Variants in NIPBL observed in about 807,000 individuals in gnomAD.
NIPBL encodes the protein nipped-B-like protein.
A neutral mutation model predicts 321.8 loss-of-function variants in NIPBL; 19 were observed. The observed-to-expected ratio is 0.06, with a 90% CI of 0.04 to 0.09. The LOEUF (loss-of-function observed/expected upper bound fraction) is 0.09, where lower values mean the gene tolerates loss of function less well. NIPBL is among the 10% of genes least tolerant of loss of function. NIPBL has a pLI of 1.00. For synonymous variants in NIPBL, 1,106 were observed against 1,114.1 expected, an observed-to-expected ratio of 0.99 and a Z score of 0.14; for missense variants, 2,210 against 3,327.0, an observed-to-expected ratio of 0.66 and a Z score of 8.26.
intron 16 of NIPBL, among the ~76,000 whole-genome samples, chr5:37,004,561 TGCCTG>T (rs1747204265): frequency 6.6e-6 from 1 of 151,962 alleles, no homozygotes; most frequent in Non-Finnish European, 1.5e-5. Flanking sequence ...TGCACCACAA[TGCCTG>T]GCCAATTATT....
At position 36,985,692 on chromosome 5, in the gene NIPBL, T is replaced by C. The variant is rs1265867244; in HGVS notation, c.2512T>C (p.Ser838Pro). The stretch of plus-strand genomic sequence containing the variant: ...ATCAGAGCGACATCGAGGGGATCAG[T>C]CTAGGGTTCGAAGACCAGAAACATT... Reference protein sequence around the residue: ...GESERHRGDQSRVRRPETLRS... With the variant: ...GESERHRGDQPRVRRPETLRS... Residue 838 changes from serine (S) to proline (P), a missense_variant, in exon 10 of 47, where the codon TCT (serine) becomes CCT (proline). By Grantham distance (74) the Ser-to-Pro change is moderately conservative. This residue lies in a region of NIPBL where 588 missense variants were observed against 564.1 expected (regional missense o/e 1.04). Transcript: ENST00000282516. 4 of 1,613,568 alleles carry C rather than the reference T, an allele frequency of 2.5e-6. No individual in the cohort carries two copies. Among genetic ancestry groups the C allele is most frequent in the Non-Finnish European group, 3.4e-6 (4 of 1,179,918 alleles).
chr5:37,014,983 A>C (rs1748768906), intron 22 of NIPBL, among the ~76,000 whole-genome samples: 1 of 152,110 alleles, frequency 6.6e-6, no homozygotes, highest in South Asian at 2.1e-4. Flanking sequence ...AATTTTGTGA[A>C]TTTGCTTATA....
In NIPBL at chr5:37,051,841, T is replaced by C; in HGVS notation, c.7017T>C (p.Asp2339=). The part of the protein sequence containing the change: ...DPEPAMRNKA[D]QQLVEIDKKY... ...AACCTGCTATGCGGAACAAGGCTGA[T>C]CAGCAACTTGTGGAAATAGACAAAA... Residue 2339 remains aspartate (D), a synonymous_variant, in exon 41 of 47, where the codon GAT becomes GAC. Transcript: ENST00000282516. 6.2e-7 allele frequency: 1 copy of C among 1,614,102 alleles called. No homozygotes were observed. The highest frequency in any genetic ancestry group is 8.5e-7 in the Non-Finnish European group (1 of 1,179,968).
At chr5:37,017,721 T>G (rs1749151686) in intron 24 of NIPBL, among the ~76,000 whole-genome samples, 1 of 152,016 alleles carries the variant, frequency 6.6e-6, no homozygotes, top group Non-Finnish European at 1.5e-5. Context: ...TTTTTTCTAG[T>G]CTTTTTTTAT....
In NIPBL at chr5:36,975,785, C is replaced by G; in HGVS notation, c.878C>G (p.Pro293Arg). 6.2e-7 allele frequency: 1 copy of G among 1,613,442 alleles called. No homozygotes were observed. Among genetic ancestry groups the G allele is most frequent in the Non-Finnish European group, 8.5e-7 (1 of 1,179,728 alleles). Residue 293 changes from proline to arginine, a missense_variant, in exon 9 of 47, where the codon CCA becomes CGA. By Grantham distance (103) the Pro-to-Arg change is moderately radical. Around this residue, in one of 14 missense-constraint regions of NIPBL, gnomAD observed 464 missense variants for 529.5 expected, o/e 0.88. Coordinates refer to ENST00000282516, the MANE Select transcript of NIPBL (RefSeq NM_133433.4). ...GSEGTPKGSR[P>R]PLILQSQSLP... ...CGAATTATTTTTCTAGGCTCAAGAC[C>G]ACCTTTAATCCTACAATCTCAGTCT...
chr5:37,058,026 A>T (rs969318097), intron 43 of NIPBL, among the ~76,000 whole-genome samples: 2 of 152,242 alleles, frequency 1.3e-5, no homozygotes, highest in African/African-American at 4.8e-5. Context: ...TAAATCAGAC[A>T]GATTATTTTA....
rs371360817 is a variant in NIPBL, at chr5:36,998,281, G to GT, written c.3305-2082dup. Among the ~76,000 whole-genome samples the GT allele has an allele frequency of 2.0e-4, 30 of 147,384 alleles. 1 individual carries two copies. The highest frequency in any genetic ancestry group is 3.7e-4 in the African/African-American group (15 of 40,204). ...TATAACACAATGTGTTATGGAAGTT[G>GT]TTTTTTTTTTAATTTGTCACCCCAT... On this transcript the variant is annotated intron_variant, in intron 11 of 46. Transcript: ENST00000282516.
At position 37,065,976 on chromosome 5, in the gene NIPBL, C is replaced by T. The variant is rs996913458; in HGVS notation, c.*1084C>T. On this transcript the variant is annotated 3_prime_UTR_variant, in exon 47 of 47. Coordinates refer to ENST00000282516, the MANE Select transcript of NIPBL (RefSeq NM_133433.4). ...AGAACTAGAGTTGAGATGAATATGA[C>T]ACTTCATAATTACACTCACTACATT... 2 of 152,288 alleles carry T rather than the reference C, an allele frequency of 1.3e-5. No individual in the cohort carries two copies. The highest frequency in any genetic ancestry group is 4.8e-5 in the African/African-American group (2 of 41,438). 9.4% of individuals were successfully genotyped at this position (152,288 alleles called of 1,614,324 possible).
intron 16 of NIPBL, among the ~76,000 whole-genome samples, chr5:37,003,591 G>C (rs1747076224): frequency 6.6e-6 from 1 of 152,116 alleles, no homozygotes; most frequent in Non-Finnish European, 1.5e-5. Flanking sequence ...AAAAAACATA[G>C]TGTATATCGG....
chr5:36,943,188 G>GT (rs1175563312), intron 1 of NIPBL, among the ~76,000 whole-genome samples: 1 of 152,050 alleles, frequency 6.6e-6, no homozygotes, highest in Non-Finnish European at 1.5e-5. Flanking sequence ...AATAAGTAAG[G>GT]TTTAGTAAGC....
At position 37,017,145 on chromosome 5, in the gene NIPBL, G is replaced by A; in HGVS notation, c.4903G>A (p.Glu1635Lys). ...AAGCAAAATGGATCAAGGATCTATA[G>A]AACGCATTTTAAAACAGGTACTAAG... ...VTSKMDQGSI[E>K]RILKQVSGGE... The change falls in exon 24 of 47, where the codon GAA becomes AAA. Residue 1635 changes from glutamate (E) to lysine (K), a missense_variant. Glu to Lys is a moderately conservative substitution (Grantham distance 56). Coordinates refer to ENST00000282516, the MANE Select transcript of NIPBL (RefSeq NM_133433.4). 1.9e-6 allele frequency: 3 copies of A among 1,611,292 alleles called. No homozygotes were observed. The South Asian group carries it at 3.3e-5, about 18-fold the overall frequency.
intron 32 of NIPBL, among the ~76,000 whole-genome samples, chr5:37,032,209 G>A (rs1751109675): frequency 6.6e-6 from 1 of 152,044 alleles, no homozygotes; most frequent in South Asian, 2.1e-4. Context: ...GAGTTACAGT[G>A]GTGAATGCAT....
At chr5:37,041,250 T>TG (rs1752311654) in intron 34 of NIPBL, among the ~76,000 whole-genome samples, 2 of 134,250 alleles carry the variant, frequency 1.5e-5, no homozygotes, top group Non-Finnish European at 3.1e-5. Context: ...TGTTATGTGG[T>TG]GGTTTTTTTT....
At chr5:36,911,417 A>G (rs1748040703) in intron 1 of NIPBL, among the ~76,000 whole-genome samples, 2 of 152,232 alleles carry the variant, frequency 1.3e-5, no homozygotes, top group South Asian at 4.1e-4. Flanking sequence ...CATACTCTTT[A>G]AGGCTGAAAA....
intron 7 of NIPBL, among the ~76,000 whole-genome samples, chr5:36,971,574 T>C (rs1329791714): frequency 6.6e-6 from 1 of 152,166 alleles, no homozygotes; most frequent in Non-Finnish European, 1.5e-5. Context: ...TTGTTATTGA[T>C]TTGATTGTAA....
At chr5:37,027,500 TTAAAAGAACC>T in intron 32 of NIPBL, 88 bp downstream of exon 32, 1 of 937,438 alleles carries the variant, frequency 1.1e-6, no homozygotes, top group Non-Finnish European at 1.7e-6. Flanking sequence ...ACTGTATGAT[TTAAAAGAACC>T]TTTTTAGTTC....
chr5:37,032,954 C>A (rs1410566806), intron 32 of NIPBL, among the ~76,000 whole-genome samples: 1 of 152,062 alleles, frequency 6.6e-6, no homozygotes, highest in East Asian at 1.9e-4. Context: ...TTTAAGTGAG[C>A]AAGCTAAATT....
At chr5:36,877,627 T>G (rs914953775) in intron 1 of NIPBL, among the ~76,000 whole-genome samples, 1 of 151,982 alleles carries the variant, frequency 6.6e-6, no homozygotes, top group Non-Finnish European at 1.5e-5. Flanking sequence ...GGTCCGGGAG[T>G]GGGGAACGTC....
intron 34 of NIPBL, among the ~76,000 whole-genome samples, chr5:37,040,994 A>T (rs1435642847): frequency 1.3e-5 from 2 of 149,712 alleles, no homozygotes; most frequent in Non-Finnish European, 1.5e-5. Flanking sequence ...TATCATTTTC[A>T]TATCATTCGT....
Sources: gnomAD v4.1 joint callset for allele counts (sites outside exome capture counted in the v4.1 genomes callset) on GRCh38, gnomAD v4.1.1 for gene constraint, gnomAD v4.1.1 regional missense constraint, MANE v1.5 for transcripts, NCBI Gene and HGNC (gene_info 2026-07-23, HGNC 2026-07-21) for gene names.